Variants in CADM2 observed in about 807,000 individuals in gnomAD.
CADM2 encodes the protein cell adhesion molecule 2.
CADM2 carries 12 observed loss-of-function variants against 49.8 expected under a neutral mutation model. The observed-to-expected ratio is 0.24, with a 90% CI of 0.15 to 0.39. The LOEUF is 0.39. Ranked by LOEUF, CADM2 falls within the 10% of genes least tolerant of loss-of-function variation. The probability of loss-of-function intolerance (pLI) is 1.00; values close to 1 mark genes in which losing one functional copy is unlikely to be tolerated. For synonymous variants in CADM2, 214 were observed against 175.4 expected (o/e 1.22, Z -1.74); for missense variants, 378 against 492.3 (o/e 0.77, Z 2.20).
Position 86,069,842 on chromosome 3 carries a change from T to A in CADM2, c.*3059T>A, listed in dbSNP as rs975833209. 6.6e-6 allele frequency: 1 copy of A among 152,042 alleles called. No homozygotes were observed. The highest frequency in any genetic ancestry group is 1.5e-5 in the Non-Finnish European group (1 of 67,894). 9.4% of individuals were successfully genotyped at this position (152,042 alleles called of 1,614,324 possible). On this transcript the variant is annotated 3_prime_UTR_variant, in exon 10 of 10. Transcript: ENST00000383699. ...CGGCATTTTACTTTTCTTTTCTTTT[T>A]TATTTTCCATTTTTGGGTGTTCTAG...
intron 2 of CADM2, among the ~76,000 whole-genome samples, chr3:85,741,694 A>C (rs2068399579): frequency 6.6e-6 from 1 of 152,188 alleles, no homozygotes; most frequent in Admixed American, 6.5e-5. Context: ...CACATATGGA[A>C]AATTCCATAT....
chr3:85,513,034 G>GATACGTGTA (rs1576690311), intron 1 of CADM2, among the ~76,000 whole-genome samples: 1 of 152,002 alleles, frequency 6.6e-6, no homozygotes, highest in East Asian at 1.9e-4. Flanking sequence ...GCTTTCTAGA[G>GATACGTGTA]ATACGTGTAA....
chr3:85,898,937 G>GTGTGTGTATATATATATA (rs796467067), intron 5 of CADM2, among the ~76,000 whole-genome samples: 3 of 46,678 alleles, frequency 6.4e-5, no homozygotes, highest in African/African-American at 3.5e-4. Context: ...CATTTATTGT[G>GTGTGTGTATATATATATA]TATATATATA....
rs181932349 is a variant in CADM2 at position 85,409,067 on chromosome 3, A to G, written c.62-317455A>G. Among the ~76,000 whole-genome samples, 552 of 152,288 alleles carry G rather than the reference A, an allele frequency of 3.6e-3. 1 individual carries two copies. The highest frequency in any genetic ancestry group is 5.4e-3 in the Non-Finnish European group (367 of 68,000). On this transcript the variant is annotated intron_variant, in intron 1 of 9. Coordinates refer to ENST00000383699, the MANE Select transcript of CADM2 (RefSeq NM_001167675.2). Reference sequence around the variant, plus strand: ...CTTCACTTCATTGTGGTTTACTTACATTTATGCCAGAGTCATGCCAAATGA... The same window carrying G: ...CTTCACTTCATTGTGGTTTACTTACGTTTATGCCAGAGTCATGCCAAATGA...
intron 1 of CADM2, among the ~76,000 whole-genome samples, chr3:85,420,119 T>C (rs150791796): frequency 1.3e-4 from 20 of 152,280 alleles, no homozygotes; most frequent in African/African-American, 4.8e-4. Context: ...AAGTTACAGT[T>C]AGGGCCAAGT....
At chr3:85,046,700 CTT>C (rs2035669626) in intron 1 of CADM2, among the ~76,000 whole-genome samples, 2 of 151,840 alleles carry the variant, frequency 1.3e-5, no homozygotes, top group Non-Finnish European at 2.9e-5. Context: ...ATATAAAACT[CTT>C]TTGCAATTAC....
At position 85,421,211 on chromosome 3, in the gene CADM2, G is replaced by T. The variant is rs73138705; in HGVS notation, c.62-305311G>T. Among the ~76,000 whole-genome samples, 1,265 of 152,220 alleles carry T rather than the reference G, an allele frequency of 8.3e-3. 14 individuals are homozygous for T. Among genetic ancestry groups the T allele is most frequent in the Middle Eastern group, 0.017 (5 of 292 alleles). ...AGTGGATTTTACTTCCTGGAGGTCTGCCTGCTTTCAGTACATTCTTTGTTA... is the reference window on the plus strand; with the variant it reads ...AGTGGATTTTACTTCCTGGAGGTCTTCCTGCTTTCAGTACATTCTTTGTTA... On this transcript the variant is annotated intron_variant, in intron 1 of 9. Transcript: ENST00000383699.
chr3:85,494,537 A>G (rs575343228), intron 1 of CADM2, among the ~76,000 whole-genome samples: 1 of 152,268 alleles, frequency 6.6e-6, no homozygotes, highest in Admixed American at 6.5e-5. Context: ...GTATACAGCA[A>G]TGTCTCAGGC....
intron 1 of CADM2, among the ~76,000 whole-genome samples, chr3:85,127,474 G>A (rs2039075249): frequency 3.3e-5 from 5 of 152,220 alleles, no homozygotes; most frequent in Admixed American, 1.3e-4. Flanking sequence ...AATGGTATAT[G>A]ATTGGCTTTG....
rs191020974 is a variant in CADM2 at position 85,353,425 on chromosome 3, T to C, written c.62-373097T>C. ...AATTTATATTTCACTCCTTTACACATAAATGTGCCTGGTTCAGGGAAATAA... is the reference window on the plus strand; with the variant it reads ...AATTTATATTTCACTCCTTTACACACAAATGTGCCTGGTTCAGGGAAATAA... On this transcript the variant is annotated intron_variant, in intron 1 of 9. Coordinates refer to ENST00000383699, the MANE Select transcript of CADM2 (RefSeq NM_001167675.2). Among the ~76,000 whole-genome samples, 106 of 152,242 alleles carry C rather than the reference T, an allele frequency of 7.0e-4. 2 individuals are homozygous for C. Among genetic ancestry groups the C allele is most frequent in the Admixed American group, 6.9e-3 (105 of 15,274 alleles).
chr3:85,910,726 A>C (rs1045963600), intron 5 of CADM2, among the ~76,000 whole-genome samples: 3 of 152,094 alleles, frequency 2.0e-5, no homozygotes, highest in African/African-American at 7.2e-5. Context: ...AACATACATA[A>C]AACATTTTGT....
chr3:86,018,661 T>C (rs1421013175), intron 8 of CADM2, among the ~76,000 whole-genome samples: 1 of 152,238 alleles, frequency 6.6e-6, no homozygotes. Context: ...GTTTTTTGGC[T>C]GCATAAATGT....
At chr3:85,291,583 G>T (rs537035391) in intron 1 of CADM2, among the ~76,000 whole-genome samples, 1 of 147,106 alleles carries the variant, frequency 6.8e-6, no homozygotes, top group East Asian at 1.9e-4. Flanking sequence ...GACTAACAGC[G>T]GATCTCTTGG....
chr3:85,782,590 A>G (rs1179850804), intron 2 of CADM2, among the ~76,000 whole-genome samples: 2 of 150,558 alleles, frequency 1.3e-5, no homozygotes, highest in Non-Finnish European at 3.0e-5. Flanking sequence ...CAGGAGGTGG[A>G]GGTTTCAGTG....
At chr3:85,692,754 A>G (rs2066424398) in intron 1 of CADM2, among the ~76,000 whole-genome samples, 2 of 152,184 alleles carry the variant, frequency 1.3e-5, no homozygotes, top group Non-Finnish European at 2.9e-5. Context: ...ACTAGAGGTC[A>G]TTATAATTTT....
intron 1 of CADM2, among the ~76,000 whole-genome samples, chr3:85,361,276 GA>G (rs2032340418): frequency 6.6e-6 from 1 of 152,092 alleles, no homozygotes; most frequent in East Asian, 1.9e-4. Context: ...TATTTTCATG[GA>G]AACAAGACAA....
intron 3 of CADM2, among the ~76,000 whole-genome samples, chr3:85,822,053 T>C (rs2108188300): frequency 6.6e-6 from 1 of 152,326 alleles, no homozygotes. Flanking sequence ...GAACATCATA[T>C]ACATCAAATA....
At chr3:85,846,891 G>T (rs574061395) in intron 3 of CADM2, among the ~76,000 whole-genome samples, 82 of 152,160 alleles carry the variant, frequency 5.4e-4, no homozygotes, top group African/African-American at 1.9e-3. Flanking sequence ...ATAAGATTTT[G>T]CGTCTATTTT....
chr3:85,109,658 C>T (rs934534112), intron 1 of CADM2, among the ~76,000 whole-genome samples: 3 of 151,824 alleles, frequency 2.0e-5, no homozygotes, highest in African/African-American at 7.2e-5. Context: ...ACATTAGGCT[C>T]CAAACCTTTT....
Sources: gnomAD v4.1 joint callset for allele counts (sites outside exome capture counted in the v4.1 genomes callset) on GRCh38, gnomAD v4.1.1 for gene constraint, MANE v1.5 for transcripts, NCBI Gene and HGNC (gene_info 2026-07-23, HGNC 2026-07-21) for gene names.